SH2B2: variants seen among roughly 807,000 people sequenced by gnomAD.
The protein encoded by SH2B2 is SH2B adaptor protein 2.
Under a neutral mutation model 35.7 loss-of-function variants are expected in SH2B2, and 37 were observed. The ratio of observed to expected loss-of-function variants is 1.04; its 90% CI spans 0.80 to 1.36. The LOEUF is 1.36. SH2B2 is among the 40% of genes most tolerant of loss of function. SH2B2 has a pLI of 0.00. For missense variants in SH2B2, 852 were observed against 817.7 expected (o/e 1.04, Z -0.51); for synonymous variants, 383 against 376.4 (o/e 1.02, Z -0.20).
intron 2 of SH2B2, among the ~76,000 whole-genome samples, chr7:102,305,943 G>C (rs983267571): frequency 6.7e-6 from 1 of 148,340 alleles, no homozygotes; most frequent in African/African-American, 2.5e-5. Context: ...CACCCAGGTG[G>C]GGGTATAGTG....
At position 102,321,609 on chromosome 7, in the gene SH2B2, G is replaced by A. The variant is rs1794091151; in HGVS notation, c.1878G>A (p.Glu626=). 2.6e-6 allele frequency: 3 copies of A among 1,161,172 alleles called. No homozygotes were observed. The highest frequency in any genetic ancestry group is 4.8e-5 in the Admixed American group (1 of 21,010). The allele number at this position is 1,161,172 out of a possible 1,614,324, so 71.9% of individuals were successfully genotyped here. The change falls in exon 9 of 9, where the codon GAG becomes GAA. Residue 626 remains glutamate (E), a synonymous_variant. Transcript: ENST00000444095. ...CGCCCGGCCGCGCGCGCGCCGTGGA[G>A]AACCAGTACTCCTTCTACTAGCCCG... ...EAAPGRARAV[E]NQYSFY
chr7:102,308,330 C>G (rs1793478947), intron 3 of SH2B2, among the ~76,000 whole-genome samples: 1 of 152,246 alleles, frequency 6.6e-6, no homozygotes, highest in Non-Finnish European at 1.5e-5. Flanking sequence ...ATGTCTCCTG[C>G]CCTCTTCCCC....
chr7:102,317,459 A>C (rs1586605291), intron 7 of SH2B2, 64 bp downstream of exon 7: 8 of 1,394,890 alleles, frequency 5.7e-6, no homozygotes, highest in Non-Finnish European at 7.7e-6. Flanking sequence ...GGTCATGGTG[A>C]CCCCGGTCCT....
intron 1 of SH2B2, among the ~76,000 whole-genome samples, chr7:102,296,017 C>T (rs1792900113): frequency 6.6e-6 from 1 of 152,194 alleles, no homozygotes; most frequent in South Asian, 2.1e-4. Flanking sequence ...TTGAAGGAAA[C>T]CTTCCAAACT....
chr7:102,310,209 G>C (rs532848329), intron 4 of SH2B2, among the ~76,000 whole-genome samples: 1 of 152,150 alleles, frequency 6.6e-6, no homozygotes, highest in South Asian at 2.1e-4. Context: ...CCAGCTACTC[G>C]AGAGGCTGAG....
intron 4 of SH2B2, among the ~76,000 whole-genome samples, chr7:102,311,430 T>G (rs1793614571): frequency 6.6e-6 from 1 of 152,110 alleles, no homozygotes; most frequent in Non-Finnish European, 1.5e-5. Context: ...AATTTTTATA[T>G]TTTTAGCAGA....
upstream of SH2B2, among the ~76,000 whole-genome samples, chr7:102,286,240 G>A (rs1451396806): frequency 3.3e-5 from 5 of 152,364 alleles, no homozygotes; most frequent in East Asian, 1.9e-4. Flanking sequence ...CCGCCCTGTG[G>A]CCCGGGGGCG....
intron 1 of SH2B2, among the ~76,000 whole-genome samples, chr7:102,292,147 T>C (rs1302563086): frequency 2.0e-5 from 3 of 152,068 alleles, no homozygotes; most frequent in African/African-American, 7.2e-5. Flanking sequence ...GCCTTGTCTC[T>C]TGTGTCAGGC....
At position 102,287,671 on chromosome 7, in the gene SH2B2, G is replaced by T. The variant is rs570553251; in HGVS notation, c.-30+577G>T. On this transcript the variant is annotated intron_variant, in intron 1 of 8. Coordinates refer to ENST00000444095, the MANE Select transcript of SH2B2 (RefSeq NM_001359228.2). ...CGTGGAGGGTGCCCAAGAGGCCGGC[G>T]CCTTTAAGAAGGGGCGGGTTCGTGC... Among the ~76,000 whole-genome samples the T allele has an allele frequency of 2.4e-3, 358 of 152,280 alleles. 5 individuals carry two copies. In the South Asian group the frequency reaches 0.036, roughly 15 times the overall value.
chr7:102,321,169 T>C (rs1002736653), intron 8 of SH2B2, 130 bp from the exon 9 acceptor site: 12 of 771,020 alleles, frequency 1.6e-5, no homozygotes, highest in Non-Finnish European at 2.0e-5. Context: ...TGCTTGCATA[T>C]GTGTCCGAGG....
chr7:102,303,447 GCTCT>G (rs1793274413), intron 2 of SH2B2, among the ~76,000 whole-genome samples: 1 of 152,108 alleles, frequency 6.6e-6, no homozygotes, highest in Non-Finnish European at 1.5e-5. Flanking sequence ...CCGCTTCTTG[GCTCT>G]CTCTCCATCT....
Position 102,306,793 on chromosome 7 carries a change from C to A in SH2B2, c.802C>A (p.Pro268Thr). 6.3e-7 allele frequency: 1 copy of A among 1,594,912 alleles called. No homozygotes were observed. Among genetic ancestry groups the A allele is most frequent in the Non-Finnish European group, 8.5e-7 (1 of 1,171,032 alleles). The stretch of plus-strand genomic sequence containing the variant: ...CCGCACCACCATGCCCCTGGAAATG[C>A]CAGAGAAGGATAACACATTCGTCCT... The part of the protein sequence containing the change: ...EVRTTMPLEM[P>T]EKDNTFVLKV... The change falls in exon 3 of 9, where the codon CCA (proline) becomes ACA (threonine). Residue 268 changes from proline (P) to threonine (T), a missense_variant. This residue lies in a region of SH2B2 where 556 missense variants were observed against 514.5 expected (regional missense o/e 1.08). Coordinates refer to ENST00000444095, the MANE Select transcript of SH2B2 (RefSeq NM_001359228.2).
At chr7:102,309,953 T>C (rs1361870519) in intron 4 of SH2B2, among the ~76,000 whole-genome samples, 1 of 152,062 alleles carries the variant, frequency 6.6e-6, no homozygotes, top group African/African-American at 2.4e-5. Flanking sequence ...TGCAGTGATC[T>C]AGGATTGCAC....
intron 1 of SH2B2, 50 bp from the exon 2 acceptor site, chr7:102,300,472 G>A (rs1035153480): frequency 4.7e-6 from 7 of 1,478,490 alleles, no homozygotes; most frequent in Non-Finnish European, 1.8e-6. Flanking sequence ...GGACAGGTGG[G>A]CGCATTGATC....
Position 102,300,805 on chromosome 7 carries a change from G to T in SH2B2, c.255G>T (p.Pro85=). ...EEVRRVLVAG[P]TTRGAAVSAE... is the part of the protein sequence containing the mutation. ...TGCGCCGCGTGCTGGTGGCTGGGCCGACGACTCGGGGCGCGGCCGTGAGCG... is the reference window on the plus strand; with the variant it reads ...TGCGCCGCGTGCTGGTGGCTGGGCCTACGACTCGGGGCGCGGCCGTGAGCG... Residue 85 remains proline, a synonymous_variant, in exon 2 of 9, where the codon CCG becomes CCT. Transcript: ENST00000444095. The T allele has an allele frequency of 6.7e-7, 1 of 1,493,380 alleles. No individual in the cohort carries two copies. Among genetic ancestry groups the T allele is most frequent in the South Asian group, 1.3e-5 (1 of 77,230 alleles). 92.5% of individuals were successfully genotyped at this position (1,493,380 alleles called of 1,614,324 possible).
intron 1 of SH2B2, among the ~76,000 whole-genome samples, chr7:102,289,942 A>T (rs1173427458): frequency 1.3e-5 from 2 of 152,072 alleles, no homozygotes; most frequent in Non-Finnish European, 2.9e-5. Context: ...CCCATCCAGG[A>T]ACTGTCCAGC....
intron 4 of SH2B2, 121 bp from the exon 5 acceptor site, chr7:102,314,213 CAG>C (rs1793729743): frequency 2.8e-5 from 11 of 397,622 alleles, no homozygotes; most frequent in African/African-American, 6.2e-5. Context: ...GGGAGGTGAC[CAG>C]AGCCAGGAGG....
intron 7 of SH2B2, among the ~76,000 whole-genome samples, chr7:102,318,220 C>A (rs1215768826): frequency 1.3e-5 from 2 of 152,244 alleles, no homozygotes; most frequent in East Asian, 1.9e-4. Flanking sequence ...CTCATTGCAA[C>A]CTCCGCCTCC....
At chr7:102,290,359 G>A (rs1181585462) in intron 1 of SH2B2, among the ~76,000 whole-genome samples, 4 of 146,716 alleles carry the variant, frequency 2.7e-5, no homozygotes, top group African/African-American at 1.0e-4. Context: ...CCACCTCTGG[G>A]GTTCAAGCAA....
Sources: allele counts gnomAD v4.1 joint callset (sites outside exome capture counted in the v4.1 genomes callset), GRCh38; gene constraint gnomAD v4.1.1; regional missense constraint gnomAD v4.1.1; transcripts MANE v1.5; gene names NCBI Gene and HGNC (gene_info 2026-07-23, HGNC 2026-07-21).